IFITM10: variants seen among roughly 807,000 people sequenced by gnomAD.
IFITM10 encodes the protein interferon-induced transmembrane protein 10.
Under a neutral mutation model 19.0 loss-of-function variants are expected in IFITM10, and 17 were observed. The observed-to-expected ratio is 0.90, with a 90% CI of 0.61 to 1.34. The LOEUF is 1.34. IFITM10 is among the 40% of genes most tolerant of loss of function. IFITM10 has a pLI of 0.00. For synonymous variants in IFITM10, 148 were observed against 147.2 expected (o/e 1.01, Z -0.04); for missense variants, 306 against 319.8 (o/e 0.96, Z 0.33).
At chr11:1,749,131 AG>A in intron 1 of IFITM10, 4 of 1,032,536 alleles carry the variant, frequency 3.9e-6, no homozygotes, top group Admixed American at 5.5e-5. Context: ...CCCAACCTTG[AG>A]GGGGTGGGGA....
At chr11:1,749,427 C>G (rs1845692839) in intron 1 of IFITM10, among the ~76,000 whole-genome samples, 1 of 150,002 alleles carries the variant, frequency 6.7e-6, no homozygotes, top group Admixed American at 6.6e-5. Flanking sequence ...CCCCACCCCA[C>G]CCGGCCCCAT....
chr11:1,742,651 G>A (rs1040455212), intron 2 of IFITM10, among the ~76,000 whole-genome samples: 2 of 152,200 alleles, frequency 1.3e-5, no homozygotes, highest in African/African-American at 4.8e-5. Context: ...GGTAGGGCTT[G>A]GAAGGAAAGT....
intron 2 of IFITM10, 32 bp from the exon 3 acceptor site, chr11:1,735,461 G>A (rs371105383): frequency 6.2e-5 from 96 of 1,546,074 alleles, no homozygotes; most frequent in Non-Finnish European, 7.7e-5. Context: ...GAAATGGGCA[G>A]TCAGCCAGGG....
At chr11:1,747,554 C>G (rs976949755) in intron 2 of IFITM10, 113 bp downstream of exon 2, 1 of 916,060 alleles carries the variant, frequency 1.1e-6, no homozygotes, top group Non-Finnish European at 1.7e-6. Context: ...TGCACCTGTT[C>G]TACCCGTGTG....
At chr11:1,750,243 C>T (rs1845701670) in intron 1 of IFITM10, 116 bp downstream of exon 1, 1 of 1,521,618 alleles carries the variant, frequency 6.6e-7, no homozygotes, top group Non-Finnish European at 8.9e-7. Context: ...GATCTTCCAT[C>T]CCCATAACAG....
chr11:1,749,147 GC>G, intron 1 of IFITM10: 1 of 968,044 alleles, frequency 1.0e-6, no homozygotes, highest in Non-Finnish European at 1.2e-6. Context: ...TGGGGAGCGC[GC>G]GGGGCTCGGC....
At chr11:1,736,220 T>C (rs1851085385) in intron 2 of IFITM10, among the ~76,000 whole-genome samples, 1 of 152,120 alleles carries the variant, frequency 6.6e-6, no homozygotes, top group African/African-American at 2.4e-5. Context: ...TTTGCCTTAG[T>C]AGATTGGAGC....
chr11:1,736,016 G>T (rs1377405779), intron 2 of IFITM10, among the ~76,000 whole-genome samples: 1 of 152,212 alleles, frequency 6.6e-6, no homozygotes, highest in African/African-American at 2.4e-5. Context: ...TGGGGAGGCA[G>T]TGGACTGAGC....
chr11:1,748,920 C>A, intron 1 of IFITM10: 1 of 455,774 alleles, frequency 2.2e-6, no homozygotes, highest in Non-Finnish European at 2.9e-6. Context: ...GTTCCCAGCT[C>A]CCGTGCGGCG....
intron 2 of IFITM10, chr11:1,746,815 G>A (rs2133649641): frequency 2.5e-6 from 1 of 398,688 alleles, no homozygotes; most frequent in East Asian, 3.6e-5. Context: ...GAAATGTGAT[G>A]ATGAGGCTAA....
rs983038059 is a variant in IFITM10 at position 1,747,989 on chromosome 11, C to T, written c.215G>A (p.Gly72Asp). 2 of 1,447,194 alleles carry T rather than the reference C, an allele frequency of 1.4e-6. No homozygotes were observed. The highest frequency in any genetic ancestry group is 2.9e-5 in the South Asian group (2 of 69,200). 89.6% of individuals were successfully genotyped at this position (1,447,194 alleles called of 1,614,324 possible). A position where few individuals can be genotyped will look rare whatever the true frequency, so the allele number is the denominator to read the frequency against. The part of the protein sequence containing the change: ...IPRPPAGSPK[G>D]CFACVSKPPA... ...GGGCTTGGACACGCAAGCGAAGCAG[C>T]CCTTGGGCGAACCTGCCGGGGGCCT... is the stretch of plus-strand genomic sequence containing the variant. Residue 72 changes from glycine (G) to aspartate (D), a missense_variant, in exon 2 of 3, where the codon GGC becomes GAC. Coordinates refer to ENST00000340134, the MANE Select transcript of IFITM10 (RefSeq NM_001170820.4).
intron 1 of IFITM10, chr11:1,749,149 G>C (rs1402304426): frequency 1.0e-6 from 1 of 969,880 alleles, no homozygotes; most frequent in Non-Finnish European, 1.2e-6. Flanking sequence ...GGGAGCGCGC[G>C]GGGCTCGGCG....
chr11:1,742,404 C>T (rs1243586876), intron 2 of IFITM10, among the ~76,000 whole-genome samples: 4 of 151,902 alleles, frequency 2.6e-5, no homozygotes, highest in South Asian at 2.1e-4. Context: ...TATGCATGAG[C>T]GGTTAGAGAC....
chr11:1,741,527 G>A (rs1845570409), intron 2 of IFITM10, among the ~76,000 whole-genome samples: 1 of 152,024 alleles, frequency 6.6e-6, no homozygotes, highest in African/African-American at 2.4e-5. Flanking sequence ...GAAAATGGAA[G>A]GACATTCTGA....
Position 1,734,495 on chromosome 11 carries a change from G to A in IFITM10, c.*785C>T, listed in dbSNP as rs1173726018. 3 of 152,554 alleles carry A rather than the reference G, an allele frequency of 2.0e-5. No homozygotes were observed. Among genetic ancestry groups the A allele is most frequent in the Non-Finnish European group, 2.9e-5 (2 of 68,324 alleles). The allele number at this position is 152,554 out of a possible 1,614,324, so 9.5% of individuals were successfully genotyped here. A position where few individuals can be genotyped will look rare whatever the true frequency, so the allele number is the denominator to read the frequency against. ...TCGTCTCTGCCTGCTGCTTCCTTCC[G>A]AGTGAATTTGTGGTTTCCTTTGCTC... On this transcript the variant is annotated 3_prime_UTR_variant, in exon 3 of 3. Coordinates refer to ENST00000340134, the MANE Select transcript of IFITM10 (RefSeq NM_001170820.4).
intron 1 of IFITM10, 62 bp downstream of exon 1, chr11:1,750,297 C>T: frequency 6.5e-7 from 1 of 1,550,216 alleles, no homozygotes; most frequent in Non-Finnish European, 8.7e-7. Context: ...AGCCTTCCCT[C>T]CCTCCCTCCA....
At chr11:1,743,842 A>C (rs894917786) in intron 2 of IFITM10, among the ~76,000 whole-genome samples, 9 of 151,984 alleles carry the variant, frequency 5.9e-5, no homozygotes, top group Non-Finnish European at 2.9e-5. Context: ...CACTGGTTGC[A>C]GATTTCATGG....
At chr11:1,745,317 C>A (rs373473600) in intron 2 of IFITM10, 24 of 152,484 alleles carry the variant, frequency 1.6e-4, no homozygotes, top group African/African-American at 5.8e-4. Flanking sequence ...TGTCCGCAGG[C>A]TGTTGGCAGG....
chr11:1,733,262 C>A lies in IFITM10; in HGVS notation c.*2018G>T. ...GCAGCCCCGCATCAGCCTCGCAGCC[C>A]GCCGCCTCCTGCCCTCCCATCCCAC... On this transcript the variant is annotated 3_prime_UTR_variant, in exon 3 of 3. Coordinates refer to ENST00000340134, the MANE Select transcript of IFITM10 (RefSeq NM_001170820.4). This position sits in a 1 kb window ranked among gnomAD's most constrained non-coding sequence, Gnocchi z 6.3. 1 of 153,558 alleles carries A rather than the reference C, an allele frequency of 6.5e-6. No individual in the cohort carries two copies. 9.5% of individuals were successfully genotyped at this position (153,558 alleles called of 1,614,324 possible).
Sources: gnomAD v4.1 joint callset for allele counts (sites outside exome capture counted in the v4.1 genomes callset) on GRCh38, gnomAD v4.1.1 for gene constraint, Gnocchi (gnomAD v3.1) non-coding constraint, MANE v1.5 for transcripts, NCBI Gene and HGNC (gene_info 2026-07-23, HGNC 2026-07-21) for gene names.